Variants in TFCP2 observed in about 807,000 individuals in gnomAD.
The protein encoded by TFCP2 is transcription factor CP2, also known as alpha-globin transcription factor CP2.
TFCP2 carries 33 observed loss-of-function variants against 73.4 expected under a neutral mutation model. The ratio of observed to expected loss-of-function variants is 0.45; its 90% CI spans 0.34 to 0.60. The LOEUF (loss-of-function observed/expected upper bound fraction) is 0.60, where lower values mean the gene tolerates loss of function less well. Ranked by LOEUF, TFCP2 falls within the 20% of genes least tolerant of loss-of-function variation. The pLI, the probability that TFCP2 is intolerant of heterozygous loss-of-function variation, is 0.01. For missense variants in TFCP2, 352 were observed against 604.0 expected, an observed-to-expected ratio of 0.58 and a Z score of 4.37; for synonymous variants, 193 against 211.6, an observed-to-expected ratio of 0.91 and a Z score of 0.76.
intron 1 of TFCP2, among the ~76,000 whole-genome samples, chr12:51,163,208 G>C (rs2137046203): frequency 6.6e-6 from 1 of 152,310 alleles, no homozygotes; most frequent in Admixed American, 6.5e-5. Context: ...ACTGAGGTGG[G>C]AGGATTGCCT....
chr12:51,118,564 A>ACAAG, intron 2 of TFCP2, 57 bp downstream of exon 2: 1 of 1,577,922 alleles, frequency 6.3e-7, no homozygotes, highest in East Asian at 2.3e-5. Flanking sequence ...AAACAAACAA[A>ACAAG]AAAATCATAA....
intron 1 of TFCP2, among the ~76,000 whole-genome samples, chr12:51,144,194 G>A (rs1941244155): frequency 6.6e-6 from 1 of 151,946 alleles, no homozygotes; most frequent in Non-Finnish European, 1.5e-5. Flanking sequence ...CACCACACCT[G>A]GCTAATTTTT....
chr12:51,165,098 T>C (rs1427268788), intron 1 of TFCP2, among the ~76,000 whole-genome samples: 1 of 152,090 alleles, frequency 6.6e-6, no homozygotes, highest in Non-Finnish European at 1.5e-5. Flanking sequence ...CTCACACCTG[T>C]AATCCTAGCA....
intron 1 of TFCP2, among the ~76,000 whole-genome samples, chr12:51,148,699 C>CAAAAAAAAA: frequency 1.0e-5 from 1 of 100,150 alleles, no homozygotes. Context: ...GACTCTGTCT[C>CAAAAAAAAA]AAAAAAAAAA....
intron 1 of TFCP2, among the ~76,000 whole-genome samples, chr12:51,121,676 G>C (rs2136989143): frequency 6.6e-6 from 1 of 151,738 alleles, no homozygotes; most frequent in South Asian, 2.1e-4. Flanking sequence ...ATGTTGGCCA[G>C]GCTGGTCTCA....
At chr12:51,105,672 T>C (rs1210754066) in intron 8 of TFCP2, among the ~76,000 whole-genome samples, 1 of 152,224 alleles carries the variant, frequency 6.6e-6, no homozygotes, top group Non-Finnish European at 1.5e-5. Context: ...GTAATTAACT[T>C]ATCTTAGGGC....
At chr12:51,157,220 C>A (rs1056673230) in intron 1 of TFCP2, among the ~76,000 whole-genome samples, 3 of 152,054 alleles carry the variant, frequency 2.0e-5, no homozygotes, top group Non-Finnish European at 2.9e-5. Flanking sequence ...CGGGGTTTCA[C>A]TATGTTGGCC....
At chr12:51,149,069 A>G (rs1169333469) in intron 1 of TFCP2, among the ~76,000 whole-genome samples, 1 of 150,510 alleles carries the variant, frequency 6.6e-6, no homozygotes, top group African/African-American at 2.4e-5. Flanking sequence ...TGGTATATAT[A>G]CACCATAGAA....
At chr12:51,130,676 A>T (rs17296192) in intron 1 of TFCP2, among the ~76,000 whole-genome samples, 24,133 of 152,006 alleles carry the variant, frequency 0.16, 2,277 homozygotes, top group South Asian at 0.26. Context: ...TAACTGGCTT[A>T]TAAATCTGTC....
rs11347975 is a variant in TFCP2, at chr12:51,122,253, C to CTTTTTT, written c.123-3487_123-3482dup. On this transcript the variant is annotated intron_variant, in intron 1 of 14. Transcript: ENST00000257915. ...GAAACAGTTTTATTTTTTTTCTTTTCTTTTTTTTTTTTTTTTTTTTTTTGA... is the reference window on the plus strand; with the variant it reads ...GAAACAGTTTTATTTTTTTTCTTTTCTTTTTTTTTTTTTTTTTTTTTTTTTTTTTGA... Among the ~76,000 whole-genome samples the CTTTTTT allele has an allele frequency of 3.8e-3, 277 of 73,136 alleles. 2 individuals are homozygous for CTTTTTT. The highest frequency in any genetic ancestry group is 4.7e-3 in the Non-Finnish European group (185 of 39,148). The allele number at this position is 73,136 out of a possible 152,430, so 48.0% of individuals were successfully genotyped here.
intron 9 of TFCP2, 78 bp downstream of exon 9, chr12:51,104,077 G>A (rs1420917195): frequency 7.4e-7 from 1 of 1,344,412 alleles, no homozygotes; most frequent in African/African-American, 1.4e-5. Flanking sequence ...CCTAAAAGTT[G>A]GGCATTTCTA....
chr12:51,139,691 T>A (rs913509907), intron 1 of TFCP2, among the ~76,000 whole-genome samples: 15 of 152,182 alleles, frequency 9.9e-5, no homozygotes, highest in African/African-American at 3.6e-4. Context: ...TTGACTTTTT[T>A]AAAAGATTCA....
At chr12:51,111,050 G>T in intron 4 of TFCP2, 67 bp from the exon 5 acceptor site, 5 of 1,075,656 alleles carry the variant, frequency 4.6e-6, no homozygotes, top group East Asian at 2.4e-5. Context: ...AGAAAGCATT[G>T]ATTCTTATAT....
intron 1 of TFCP2, among the ~76,000 whole-genome samples, chr12:51,131,499 A>G (rs1167292784): frequency 6.6e-6 from 1 of 152,132 alleles, no homozygotes; most frequent in Non-Finnish European, 1.5e-5. Context: ...GTTGAAGTTA[A>G]GATATAAAAG....
intron 11 of TFCP2, among the ~76,000 whole-genome samples, chr12:51,100,364 C>G (rs1215103544): frequency 7.2e-5 from 11 of 152,182 alleles, no homozygotes; most frequent in Admixed American, 5.9e-4. Context: ...TCAACTACCT[C>G]TTGATCTGAT....
At chr12:51,114,937 C>T (rs1466140507) in intron 4 of TFCP2, among the ~76,000 whole-genome samples, 6 of 151,540 alleles carry the variant, frequency 4.0e-5, no homozygotes, top group Non-Finnish European at 7.4e-5. Context: ...TGGTGCATGC[C>T]TGTAATCCCA....
intron 1 of TFCP2, among the ~76,000 whole-genome samples, chr12:51,140,933 G>A (rs551455689): frequency 1.3e-5 from 2 of 152,000 alleles, no homozygotes; most frequent in African/African-American, 4.8e-5. Context: ...GCAGGCGCCT[G>A]TAATCCCAGC....
chr12:51,163,293 A>T (rs965818210), intron 1 of TFCP2, among the ~76,000 whole-genome samples: 1 of 152,084 alleles, frequency 6.6e-6, no homozygotes, highest in Non-Finnish European at 1.5e-5. Context: ...CTGTCTTAAA[A>T]AATAATAGTA....
intron 1 of TFCP2, among the ~76,000 whole-genome samples, chr12:51,168,940 TAC>T (rs1332694844): frequency 6.6e-6 from 1 of 151,990 alleles, no homozygotes. Flanking sequence ...TAGCTGGGAT[TAC>T]AGGCATGCAC....
Sources: gnomAD v4.1 joint callset for allele counts (sites outside exome capture counted in the v4.1 genomes callset) on GRCh38, gnomAD v4.1.1 for gene constraint, MANE v1.5 for transcripts, NCBI Gene and HGNC (gene_info 2026-07-23, HGNC 2026-07-21) for gene names.